Variants in ALDH3B1 observed in about 807,000 individuals in gnomAD.
The protein encoded by ALDH3B1 is aldehyde dehydrogenase 3 family member B1, also known as aldehyde dehydrogenase family 3 member B1.
A neutral mutation model predicts 46.2 loss-of-function variants in ALDH3B1; 37 were observed. The ratio of observed to expected loss-of-function variants is 0.80; its 90% CI spans 0.62 to 1.05. ALDH3B1 has a LOEUF of 1.05. Ranked by LOEUF, ALDH3B1 falls within the 50% of genes least tolerant of loss-of-function variation. ALDH3B1 has a pLI of 0.00. For missense variants in ALDH3B1, 603 were observed against 665.5 expected, an observed-to-expected ratio of 0.91 and a Z score of 1.03; for synonymous variants, 283 against 281.0, an observed-to-expected ratio of 1.01 and a Z score of -0.07.
intron 1 of ALDH3B1, among the ~76,000 whole-genome samples, chr11:68,011,796 C>T (rs980802105): frequency 1.3e-5 from 2 of 152,190 alleles, no homozygotes; most frequent in Admixed American, 6.5e-5. Flanking sequence ...AGGCCCCTGC[C>T]CCAGGGGTCT....
Position 68,027,748 on chromosome 11 carries a change from G to C in ALDH3B1, c.1217-1G>C, listed in dbSNP as rs1375979754. On this transcript the variant is annotated splice_acceptor_variant, in intron 9 of 9. Coordinates refer to ENST00000342456, the MANE Select transcript of ALDH3B1 (RefSeq NM_000694.4). LOFTEE classifies it high-confidence loss of function. ...CACCTGTGTTCTGTGCCACTGTACAGGTGCCAGTGGGATGGGCCGGTACCA... is the reference window on the plus strand; with the variant it reads ...CACCTGTGTTCTGTGCCACTGTACACGTGCCAGTGGGATGGGCCGGTACCA... 7 of 1,555,220 alleles carry C rather than the reference G, an allele frequency of 4.5e-6. No individual in the cohort carries two copies. The highest frequency in any genetic ancestry group is 6.1e-6 in the Non-Finnish European group (7 of 1,148,180).
chr11:68,010,112 C>G (rs1239197048), upstream of ALDH3B1, among the ~76,000 whole-genome samples: 1 of 152,190 alleles, frequency 6.6e-6, no homozygotes, highest in African/African-American at 2.4e-5. Flanking sequence ...TGCCCCTCAG[C>G]TCGGAGCTCA....
intron 2 of ALDH3B1, chr11:68,015,709 A>C: frequency 1.5e-6 from 1 of 677,050 alleles, no homozygotes; most frequent in South Asian, 1.5e-5. Context: ...CAGAGAATAA[A>C]ACACAGTTCC....
Position 68,019,264 on chromosome 11 carries a change from G to C in ALDH3B1, c.480+9G>C. 1 of 1,610,854 alleles carries C rather than the reference G, an allele frequency of 6.2e-7. No homozygotes were observed. The highest frequency in any genetic ancestry group is 8.5e-7 in the Non-Finnish European group (1 of 1,178,592). ...CCCAATACGTGGACCAGGTGAGCAG[G>C]GCTGCCGGGCAGGTAGAGCGGGAAC... is the stretch of plus-strand genomic sequence containing the variant. On this transcript the variant is annotated intron_variant, in intron 5 of 9. Coordinates refer to ENST00000342456, the MANE Select transcript of ALDH3B1 (RefSeq NM_000694.4).
At chr11:68,021,986 A>T in intron 7 of ALDH3B1, 115 bp downstream of exon 7, 1 of 1,489,402 alleles carries the variant, frequency 6.7e-7, no homozygotes, top group Non-Finnish European at 9.0e-7. Context: ...CCACTGCCAG[A>T]GCCCGGCCTT....
At chr11:68,027,103 A>T (rs532808482) in intron 9 of ALDH3B1, among the ~76,000 whole-genome samples, 1 of 150,756 alleles carries the variant, frequency 6.6e-6, no homozygotes, top group East Asian at 2.0e-4. Flanking sequence ...TGCTGCTCCC[A>T]CAGCCTGAGC....
Position 68,015,331 on chromosome 11 carries a change from C to A in ALDH3B1, c.34C>A (p.Arg12=). 6.6e-7 allele frequency: 1 copy of A among 1,524,666 alleles called. No individual in the cohort carries two copies. Among genetic ancestry groups the A allele is most frequent in the Non-Finnish European group, 8.8e-7 (1 of 1,130,958 alleles). 94.4% of individuals were successfully genotyped at this position (1,524,666 alleles called of 1,614,324 possible). A position where few individuals can be genotyped will look rare whatever the true frequency, so the allele number is the denominator to read the frequency against. ...CCTTGGGGACACGCTGCGGCGACTGCGGGAGGCCTTCCACGCGGGGCGCAC... is the reference window on the plus strand; with the variant it reads ...CCTTGGGGACACGCTGCGGCGACTGAGGGAGGCCTTCCACGCGGGGCGCAC... ...DPLGDTLRRL[R]EAFHAGRTRP... The change falls in exon 2 of 10, where the codon CGG becomes AGG. Residue 12 remains arginine, a synonymous_variant. Coordinates refer to ENST00000342456, the MANE Select transcript of ALDH3B1 (RefSeq NM_000694.4).
chr11:68,009,454 G>T (rs147659398), upstream of ALDH3B1, among the ~76,000 whole-genome samples: 1,224 of 152,334 alleles, frequency 8.0e-3, 22 homozygotes, highest in African/African-American at 0.026. Context: ...GAAGGAAGAG[G>T]TTTATTCAGC....
intron 7 of ALDH3B1, 70 bp from the exon 8 acceptor site, chr11:68,022,525 C>T (rs1857524050): frequency 1.4e-6 from 2 of 1,468,474 alleles, no homozygotes; most frequent in Non-Finnish European, 1.8e-6. Context: ...GCCCTGTCCC[C>T]ACCTCTACCC....
chr11:68,009,445 A>G (rs369605767), upstream of ALDH3B1, among the ~76,000 whole-genome samples: 5 of 152,318 alleles, frequency 3.3e-5, no homozygotes, highest in East Asian at 9.7e-4. Flanking sequence ...TGGATTAAAG[A>G]AGGAAGAGGT....
chr11:68,023,735 G>A (rs79657810), intron 8 of ALDH3B1, among the ~76,000 whole-genome samples: 1,904 of 152,006 alleles, frequency 0.013, 25 homozygotes, highest in African/African-American at 0.043. Context: ...GCTTAGATGG[G>A]TCAAAACTAA....
rs752005085 is a variant in ALDH3B1 at position 68,022,729 on chromosome 11, C to T, written c.1084C>T (p.Leu362=). 4 of 1,614,160 alleles carry T rather than the reference C, an allele frequency of 2.5e-6. No individual in the cohort carries two copies. Among genetic ancestry groups the T allele is most frequent in the Middle Eastern group, 1.7e-4 (1 of 6,054 alleles). The part of the protein sequence containing the change: ...IEFINRREKP[L]ALYAFSNSSQ... ...GTTCATCAACCGGCGGGAGAAGCCCCTGGCCCTGTACGCCTTCTCCAACAG... is the reference window on the plus strand; with the variant it reads ...GTTCATCAACCGGCGGGAGAAGCCCTTGGCCCTGTACGCCTTCTCCAACAG... Residue 362 remains leucine, a synonymous_variant, in exon 8 of 10, where the codon CTG becomes TTG. Transcript: ENST00000342456.
intron 2 of ALDH3B1, 72 bp downstream of exon 2, chr11:68,015,531 G>C: frequency 6.5e-7 from 1 of 1,538,324 alleles, no homozygotes; most frequent in Non-Finnish European, 8.8e-7. Flanking sequence ...GGACAGCAGG[G>C]GATGAAGACA....
Position 68,028,676 on chromosome 11 carries a change from T to TA in ALDH3B1, c.*757dup, listed in dbSNP as rs10557779. ...TGGGTGACAGAAGGAGGCTCTGCCT[T>TA]AAAAAAAAAAAAAAAAAAAACCTCC... On this transcript the variant is annotated 3_prime_UTR_variant, in exon 10 of 10. Coordinates refer to ENST00000342456, the MANE Select transcript of ALDH3B1 (RefSeq NM_000694.4). 862 of 128,944 alleles carry TA rather than the reference T, an allele frequency of 6.7e-3. 5 individuals carry two copies. Among genetic ancestry groups the TA allele is most frequent in the Non-Finnish European group, 9.7e-3 (606 of 62,200 alleles). 8.0% of individuals were successfully genotyped at this position (128,944 alleles called of 1,614,324 possible).
intron 3 of ALDH3B1, 55 bp downstream of exon 3, chr11:68,018,692 G>A (rs1333022074): frequency 6.5e-7 from 1 of 1,549,712 alleles, no homozygotes; most frequent in East Asian, 2.4e-5. Context: ...TGCTCCCACA[G>A]GGTGGCCCCT....
At chr11:68,020,491 T>C (rs1857464479) in intron 6 of ALDH3B1, among the ~76,000 whole-genome samples, 1 of 152,212 alleles carries the variant, frequency 6.6e-6, no homozygotes. Flanking sequence ...TGCCTTGGTC[T>C]CCTAAAGTGC....
chr11:68,014,342 G>C (rs1857295198), intron 1 of ALDH3B1, among the ~76,000 whole-genome samples: 1 of 152,206 alleles, frequency 6.6e-6, no homozygotes, highest in Non-Finnish European at 1.5e-5. Context: ...TGGGTGGGCT[G>C]CCTGGAGGAA....
At chr11:68,027,638 A>T (rs748977618) in intron 9 of ALDH3B1, 111 bp from the exon 10 acceptor site, 3 of 1,155,254 alleles carry the variant, frequency 2.6e-6, no homozygotes, top group Non-Finnish European at 3.7e-6. Context: ...AGCCCACTGG[A>T]CAGATGGGGA....
upstream of ALDH3B1, among the ~76,000 whole-genome samples, chr11:68,010,130 T>C (rs1857198650): frequency 6.6e-6 from 1 of 152,138 alleles, no homozygotes; most frequent in Non-Finnish European, 1.5e-5. Context: ...TCAGCCCTGC[T>C]GTGTGGCTCT....
Sources: gnomAD v4.1 joint callset for allele counts (sites outside exome capture counted in the v4.1 genomes callset) on GRCh38, gnomAD v4.1.1 for gene constraint, MANE v1.5 for transcripts, NCBI Gene and HGNC (gene_info 2026-07-23, HGNC 2026-07-21) for gene names.